RBFOX1: variants seen among roughly 807,000 people sequenced by gnomAD.
RBFOX1 encodes the protein RNA binding protein fox-1 homolog 1.
RBFOX1 carries 8 observed loss-of-function variants against 57.7 expected under a neutral mutation model. The ratio of observed to expected loss-of-function variants is 0.14; its 90% CI spans 0.08 to 0.25. RBFOX1 has a LOEUF of 0.25. Ranked by LOEUF, RBFOX1 falls within the 10% of genes least tolerant of loss-of-function variation. The pLI is 1.00. For missense variants in RBFOX1, 611 were observed against 548.5 expected, an observed-to-expected ratio of 1.11 and a Z score of -1.14; for synonymous variants, 326 against 222.4, an observed-to-expected ratio of 1.47 and a Z score of -4.15.
chr16:7,088,449 G>A (rs1430169663), intron 4 of RBFOX1, among the ~76,000 whole-genome samples: 1 of 152,120 alleles, frequency 6.6e-6, no homozygotes, highest in Admixed American at 6.5e-5. Context: ...ATGTGTGTAT[G>A]TGAGAGTATA....
At chr16:6,272,379 A>G (rs2075305386) in intron 1 of RBFOX1, among the ~76,000 whole-genome samples, 1 of 152,212 alleles carries the variant, frequency 6.6e-6, no homozygotes, top group Non-Finnish European at 1.5e-5. Context: ...CAATGACTCA[A>G]AAAATATACT....
intron 3 of RBFOX1, among the ~76,000 whole-genome samples, chr16:6,750,473 A>C (rs2074710577): frequency 6.6e-6 from 1 of 152,194 alleles, no homozygotes; most frequent in Admixed American, 6.5e-5. Flanking sequence ...TTAAAATTCA[A>C]GTTTAATATT....
At position 6,527,244 on chromosome 16, in the gene RBFOX1, G is replaced by A. The variant is rs535839850; in HGVS notation, c.-63-127359G>A. Among the ~76,000 whole-genome samples, 13 of 152,076 alleles carry A rather than the reference G, an allele frequency of 8.5e-5. 1 individual carries two copies. Among genetic ancestry groups the A allele is most frequent in the South Asian group, 6.2e-4 (3 of 4,816 alleles). ...TTTCCCTTTCCAGAAGTAAAGACGC[G>A]TTACCAGTTTGTTTTGTATTTTTTG... On this transcript the variant is annotated intron_variant, in intron 2 of 15. Coordinates refer to ENST00000550418, the MANE Select transcript of RBFOX1 (RefSeq NM_018723.4).
At chr16:6,919,560 C>G (rs897657828) in intron 3 of RBFOX1, among the ~76,000 whole-genome samples, 1 of 152,014 alleles carries the variant, frequency 6.6e-6, no homozygotes, top group African/African-American at 2.4e-5. Flanking sequence ...TTAGACATTT[C>G]TCCACTTCCT....
chr16:5,371,091 G>A (rs917828414), intron 1 of RBFOX1, among the ~76,000 whole-genome samples: 1 of 152,158 alleles, frequency 6.6e-6, no homozygotes, highest in African/African-American at 2.4e-5. Flanking sequence ...GGGACTACAG[G>A]TGTGCGCCAT....
At chr16:6,776,778 G>A (rs150764349) in intron 3 of RBFOX1, among the ~76,000 whole-genome samples, 15 of 152,348 alleles carry the variant, frequency 9.8e-5, no homozygotes, top group Non-Finnish European at 1.9e-4. Flanking sequence ...AATCAAATTA[G>A]AAGTTAAATC....
intron 3 of RBFOX1, among the ~76,000 whole-genome samples, chr16:6,718,967 A>T (rs531652317): frequency 2.0e-5 from 3 of 152,014 alleles, no homozygotes; most frequent in African/African-American, 7.3e-5. Flanking sequence ...GGCTCAAACA[A>T]TCCTCCCACC....
intron 1 of RBFOX1, among the ~76,000 whole-genome samples, chr16:5,376,962 C>A (rs1317214634): frequency 6.6e-6 from 1 of 150,396 alleles, no homozygotes; most frequent in East Asian, 1.9e-4. Flanking sequence ...CTCCCTTCTC[C>A]AAGTCTCTTC....
intron 4 of RBFOX1, among the ~76,000 whole-genome samples, chr16:5,885,362 C>A (rs1042119820): frequency 2.0e-5 from 3 of 151,754 alleles, no homozygotes; most frequent in African/African-American, 7.3e-5. Flanking sequence ...GCATTTTTCC[C>A]CTTAAATCAT....
chr16:6,737,995 A>G lies in RBFOX1; in HGVS notation c.-16+83345A>G, dbSNP rs571612647. Reference sequence around the variant, plus strand: ...GAAAAGTGCTAAATAAATTCTAACTATTGCCACTGGGAATAATAATGTGTG... The same window carrying G: ...GAAAAGTGCTAAATAAATTCTAACTGTTGCCACTGGGAATAATAATGTGTG... On this transcript the variant is annotated intron_variant, in intron 3 of 15. Transcript: ENST00000550418. Among the ~76,000 whole-genome samples the G allele has an allele frequency of 3.3e-5, 5 of 151,906 alleles. No individual in the cohort carries two copies. In the South Asian group the frequency reaches 1.0e-3, roughly 32 times the overall value.
intron 3 of RBFOX1, among the ~76,000 whole-genome samples, chr16:5,705,827 C>T (rs1036121365): frequency 1.3e-5 from 2 of 152,162 alleles, no homozygotes; most frequent in East Asian, 1.9e-4. Context: ...TTATCATATC[C>T]GTAGTGGCTA....
intron 3 of RBFOX1, among the ~76,000 whole-genome samples, chr16:6,742,658 C>A (rs965352348): frequency 6.6e-5 from 10 of 152,120 alleles, no homozygotes; most frequent in Admixed American, 5.9e-4. Context: ...GCAATAAAAA[C>A]TGAATGAACT....
chr16:6,924,546 A>G (rs118026808), intron 3 of RBFOX1, among the ~76,000 whole-genome samples: 2 of 152,084 alleles, frequency 1.3e-5, no homozygotes, highest in South Asian at 2.1e-4. Flanking sequence ...ACATTTCAAC[A>G]TGAGATTTAG....
intron 2 of RBFOX1, among the ~76,000 whole-genome samples, chr16:6,533,091 C>G (rs2096682437): frequency 1.3e-5 from 2 of 152,304 alleles, no homozygotes; most frequent in African/African-American, 4.8e-5. Context: ...CCAGGAGCAT[C>G]CTAGGTTGGC....
intron 3 of RBFOX1, among the ~76,000 whole-genome samples, chr16:5,745,656 C>A (rs1323477091): frequency 6.6e-6 from 1 of 152,182 alleles, no homozygotes; most frequent in Non-Finnish European, 1.5e-5. Context: ...GAGATGGTAT[C>A]TCATTGTGGT....
At chr16:7,281,882 A>G (rs947058778) in intron 4 of RBFOX1, among the ~76,000 whole-genome samples, 6 of 151,936 alleles carry the variant, frequency 3.9e-5, no homozygotes, top group Admixed American at 3.9e-4. Flanking sequence ...CTTTTCCTAG[A>G]AAAGGTCTTA....
chr16:6,693,063 C>G (rs956722739), intron 3 of RBFOX1, among the ~76,000 whole-genome samples: 8 of 146,774 alleles, frequency 5.5e-5, no homozygotes, highest in South Asian at 2.3e-4. Flanking sequence ...ATCATTATCA[C>G]CATCATCCTC....
chr16:7,048,823 A>G (rs888041006), intron 3 of RBFOX1, among the ~76,000 whole-genome samples: 4 of 151,558 alleles, frequency 2.6e-5, no homozygotes, highest in African/African-American at 9.7e-5. Context: ...GTGTTAGGAG[A>G]CTCTAGGTCT....
At chr16:6,472,618 T>C (rs2095202611) in intron 2 of RBFOX1, among the ~76,000 whole-genome samples, 1 of 151,908 alleles carries the variant, frequency 6.6e-6, no homozygotes, top group South Asian at 2.1e-4. Flanking sequence ...CTTCTTTCTT[T>C]TTTCTTTCTT....
Sources: allele counts gnomAD v4.1 joint callset (sites outside exome capture counted in the v4.1 genomes callset), GRCh38; gene constraint gnomAD v4.1.1; transcripts MANE v1.5; gene names NCBI Gene and HGNC (gene_info 2026-07-23, HGNC 2026-07-21).